Variants in ADGRG6 observed in about 807,000 individuals in gnomAD.
ADGRG6 encodes the protein adhesion G protein-coupled receptor G6, also known as G-protein coupled receptor 126.
Under a neutral mutation model 142.4 loss-of-function variants are expected in ADGRG6, and 84 were observed. The ratio of observed to expected loss-of-function variants is 0.59; its 90% CI spans 0.49 to 0.71. The LOEUF is 0.71. Ranked by LOEUF, ADGRG6 falls within the 30% of genes least tolerant of loss-of-function variation. ADGRG6 has a pLI of 0.00. For synonymous variants in ADGRG6, 521 were observed against 520.5 expected (o/e 1.00, Z -0.01); for missense variants, 1,367 against 1,466.6 (o/e 0.93, Z 1.11).
intron 2 of ADGRG6, among the ~76,000 whole-genome samples, chr6:142,318,728 A>C: frequency 6.6e-6 from 1 of 151,948 alleles, no homozygotes; most frequent in South Asian, 2.1e-4. Flanking sequence ...CAGAGAAGGG[A>C]GCAGGGACAA....
intron 6 of ADGRG6, among the ~76,000 whole-genome samples, chr6:142,388,570 A>G (rs568163565): frequency 3.7e-4 from 56 of 152,224 alleles, no homozygotes; most frequent in African/African-American, 1.3e-3. Flanking sequence ...GCTGAACATC[A>G]TAGCTTGCTG....
intron 22 of ADGRG6, among the ~76,000 whole-genome samples, chr6:142,436,166 G>A (rs1777476876): frequency 6.6e-6 from 1 of 152,102 alleles, no homozygotes; most frequent in African/African-American, 2.4e-5. Flanking sequence ...TCAGTATGTG[G>A]TGCTTATATT....
At position 142,367,697 on chromosome 6, in the gene ADGRG6, A is replaced by G. The variant is rs1562342070; in HGVS notation, c.232A>G (p.Ile78Val). 6.2e-7 allele frequency: 1 copy of G among 1,613,874 alleles called. No individual in the cohort carries two copies. The highest frequency in any genetic ancestry group is 1.1e-5 in the South Asian group (1 of 91,082). The change falls in exon 3 of 25, where the codon ATC becomes GTC. Residue 78 changes from isoleucine (I) to valine (V), a missense_variant. Ile to Val is a conservative substitution (Grantham distance 29, BLOSUM62 3). Around this residue, in one of 3 missense-constraint regions of ADGRG6, gnomAD observed 737 missense variants for 746.5 expected, o/e 0.99. Transcript: ENST00000367609. ...MWTLRAPTGYIIQITFNDFDI... is the reference protein window; with the variant it reads ...MWTLRAPTGYVIQITFNDFDI... ...GACGCTCCGAGCCCCCACCGGTTAT[A>G]TCATTCAGATAACATTTAACGACTT...
chr6:142,409,881 A>G lies in ADGRG6; in HGVS notation c.2396A>G (p.His799Arg), dbSNP rs1445342072. ...ATTCTTATGTTAATATAGGAAGTGC[A>G]TCATCCCATCTGTGCCTTCTGGGAT... The part of the protein sequence containing the change: ...KIKHTRTQEV[H>R]HPICAFWDLN... The change falls in exon 17 of 25, where the codon CAT becomes CGT. Residue 799 changes from histidine (H) to arginine (R), a missense_variant. His to Arg is a conservative substitution (Grantham distance 29, BLOSUM62 0). Around this residue, in one of 3 missense-constraint regions of ADGRG6, gnomAD observed 286 missense variants for 371.4 expected, o/e 0.77. Transcript: ENST00000367609. The G allele has an allele frequency of 1.4e-6, 2 of 1,469,552 alleles. No individual in the cohort carries two copies. The highest frequency in any genetic ancestry group is 9.4e-7 in the Non-Finnish European group (1 of 1,063,770). The allele number at this position is 1,469,552 out of a possible 1,614,324, so 91.0% of individuals were successfully genotyped here. A position where few individuals can be genotyped will look rare whatever the true frequency, so the allele number is the denominator to read the frequency against.
intron 4 of ADGRG6, among the ~76,000 whole-genome samples, chr6:142,373,244 T>A (rs138132192): frequency 6.6e-6 from 1 of 152,160 alleles, no homozygotes; most frequent in African/African-American, 2.4e-5. Context: ...TAAACAGGAT[T>A]AGATATTAGA....
chr6:142,387,995 G>A (rs1462146672), intron 6 of ADGRG6, among the ~76,000 whole-genome samples: 8 of 152,220 alleles, frequency 5.3e-5, no homozygotes, highest in South Asian at 4.2e-4. Context: ...TTAAAACACC[G>A]TGAGTGTTGT....
intron 1 of ADGRG6, among the ~76,000 whole-genome samples, chr6:142,305,154 A>C (rs1413512694): frequency 6.6e-6 from 1 of 152,210 alleles, no homozygotes; most frequent in East Asian, 1.9e-4. Context: ...ATGAGATGCA[A>C]CTTCTTTTAT....
intron 22 of ADGRG6, among the ~76,000 whole-genome samples, chr6:142,433,227 T>A (rs188776776): frequency 5.3e-5 from 8 of 152,338 alleles, no homozygotes; most frequent in African/African-American, 1.9e-4. Flanking sequence ...AGCTGCAGCC[T>A]CCGTCATCTG....
chr6:142,344,131 T>TCA (rs1779785725), intron 2 of ADGRG6, among the ~76,000 whole-genome samples: 3 of 151,898 alleles, frequency 2.0e-5, no homozygotes, highest in Non-Finnish European at 4.4e-5. Context: ...ATTCTTGATT[T>TCA]ATTATTCTGT....
At chr6:142,359,076 G>A (rs561929305) in intron 2 of ADGRG6, among the ~76,000 whole-genome samples, 3 of 151,448 alleles carry the variant, frequency 2.0e-5, no homozygotes, top group Admixed American at 2.0e-4. Flanking sequence ...GCATGGTGGT[G>A]CATACATGTG....
At chr6:142,390,171 A>T in intron 6 of ADGRG6, 87 bp from the exon 7 acceptor site, 5 of 525,110 alleles carry the variant, frequency 9.5e-6, no homozygotes, top group Non-Finnish European at 1.6e-5. Context: ...ATTATGTAAG[A>T]CTTACATGAT....
At position 142,402,609 on chromosome 6, in the gene ADGRG6, C is replaced by T; in HGVS notation, c.1745-11C>T. ...AAAACTTAGTGTTGTTTTCTTCTGCCTTTGTTTTAGAAGAAGCAAATGAAG... is the reference window on the plus strand; with the variant it reads ...AAAACTTAGTGTTGTTTTCTTCTGCTTTTGTTTTAGAAGAAGCAAATGAAG... On this transcript the variant is annotated splice_polypyrimidine_tract_variant and intron_variant, in intron 12 of 24. Transcript: ENST00000367609. 6.9e-7 allele frequency: 1 copy of T among 1,444,150 alleles called. No homozygotes were observed. Among genetic ancestry groups the T allele is most frequent in the Non-Finnish European group, 9.6e-7 (1 of 1,038,574 alleles). The allele number at this position is 1,444,150 out of a possible 1,614,324, so 89.5% of individuals were successfully genotyped here.
chr6:142,376,196 C>T (rs1041151666), intron 4 of ADGRG6, among the ~76,000 whole-genome samples: 1 of 151,974 alleles, frequency 6.6e-6, no homozygotes, highest in Non-Finnish European at 1.5e-5. Context: ...TATTTATTTG[C>T]CTGTGTAATG....
rs540550271 is a variant in ADGRG6 at position 142,438,170 on chromosome 6, C to T, written c.3422-42C>T. 4.2e-5 allele frequency: 58 copies of T among 1,379,892 alleles called. No individual in the cohort carries two copies. In the South Asian group the frequency reaches 5.4e-4, roughly 13 times the overall value. The allele number at this position is 1,379,892 out of a possible 1,614,324, so 85.5% of individuals were successfully genotyped here. ...ATTTTTTCAGAGCAGTTCATATTCC[C>T]GGTAAAGCAGATTGATAGGGTGATG... On this transcript the variant is annotated intron_variant, in intron 23 of 24. Transcript: ENST00000367609.
chr6:142,323,143 G>A (rs1778599441), intron 2 of ADGRG6, among the ~76,000 whole-genome samples: 1 of 149,376 alleles, frequency 6.7e-6, no homozygotes, highest in African/African-American at 2.5e-5. Flanking sequence ...TGCCTATGAA[G>A]ACTGTAATGA....
intron 2 of ADGRG6, among the ~76,000 whole-genome samples, chr6:142,349,793 C>T (rs1052711324): frequency 6.6e-6 from 1 of 152,134 alleles, no homozygotes; most frequent in African/African-American, 2.4e-5. Flanking sequence ...GAATAACTTG[C>T]CCAAGGTTAC....
chr6:142,313,550 A>G (rs1393324003), intron 2 of ADGRG6, among the ~76,000 whole-genome samples: 2 of 152,134 alleles, frequency 1.3e-5, no homozygotes, highest in Non-Finnish European at 2.9e-5. Context: ...TGTTACTCTG[A>G]TATCTATGAG....
chr6:142,350,378 G>T (rs1583021345), intron 2 of ADGRG6, among the ~76,000 whole-genome samples: 1 of 152,300 alleles, frequency 6.6e-6, no homozygotes, highest in Non-Finnish European at 1.5e-5. Flanking sequence ...TTTCAAAAAT[G>T]AAGTGCACAA....
intron 22 of ADGRG6, among the ~76,000 whole-genome samples, chr6:142,422,392 C>T (rs540420025): frequency 5.2e-4 from 79 of 152,184 alleles, no homozygotes; most frequent in African/African-American, 1.8e-3. Context: ...TCAATTCCCA[C>T]CTATGAGTGA....
Sources: allele counts gnomAD v4.1 joint callset (sites outside exome capture counted in the v4.1 genomes callset), GRCh38; gene constraint gnomAD v4.1.1; regional missense constraint gnomAD v4.1.1; transcripts MANE v1.5; gene names NCBI Gene and HGNC (gene_info 2026-07-23, HGNC 2026-07-21).